Variants in APC observed in about 807,000 individuals in gnomAD.
APC encodes APC regulator of Wnt signaling pathway, also known as adenomatous polyposis coli protein.
A neutral mutation model predicts 247.0 loss-of-function variants in APC; 72 were observed. That is an observed-to-expected ratio of 0.29 (90% CI 0.24 to 0.35). APC has a LOEUF of 0.35. Ranked by LOEUF, APC falls within the 10% of genes least tolerant of loss-of-function variation. The pLI, the probability that APC is intolerant of heterozygous loss-of-function variation, is 1.00. For synonymous variants in APC, 1,254 were observed against 1,162.5 expected (o/e 1.08, Z -1.60); for missense variants, 3,400 against 3,360.7 (o/e 1.01, Z -0.29).
At chr5:112,731,125 A>T (rs1272144896) in intron 1 of APC, among the ~76,000 whole-genome samples, 1 of 152,158 alleles carries the variant, frequency 6.6e-6, no homozygotes, top group Non-Finnish European at 1.5e-5. Flanking sequence ...TGCCAAAAGT[A>T]TAATTAACCA....
At chr5:112,786,886 C>CTTTTT (rs1171592849) in intron 6 of APC, among the ~76,000 whole-genome samples, 42 of 118,120 alleles carry the variant, frequency 3.6e-4, no homozygotes, top group Non-Finnish European at 5.1e-4. Flanking sequence ...TTTTCTTTTT[C>CTTTTT]TTTTTTTTTT....
rs778236505 is a variant in APC, at chr5:112,841,710, T to TACA, written c.6116_6117insACA (p.Gln2040dup). On this transcript the variant is annotated inframe_insertion, in exon 16 of 16. Transcript: ENST00000257430. This position sits in a 1 kb window ranked among gnomAD's most constrained non-coding sequence, Gnocchi z 4.6. ...AGTATTGACTCTGAAGATGACCTGT[T>TACA]GCAGGAATGTATAAGCTCCGCAATG... 3 of 1,613,882 alleles carry TACA rather than the reference T, an allele frequency of 1.9e-6. No individual in the cohort carries two copies. The African/African-American group carries it at 4.0e-5, about 22-fold the overall frequency.
rs149933644 is a variant in APC at position 112,751,027 on chromosome 5, C to G, written c.-18-3846C>G. 7.2e-5 allele frequency among the ~76,000 whole-genome samples: 11 copies of G among 152,078 alleles called. No individual in the cohort carries two copies. The East Asian group carries it at 1.9e-3, about 27-fold the overall frequency. On this transcript the variant is annotated intron_variant, in intron 1 of 15. Transcript: ENST00000257430. ...ATACTGAATTTATATATATTTACTT[C>G]TGGATTTTAAACATTGTGTTCTCGT...
At chr5:112,789,884 A>T (rs563850201) in intron 6 of APC, among the ~76,000 whole-genome samples, 77 of 150,760 alleles carry the variant, frequency 5.1e-4, no homozygotes, top group African/African-American at 1.7e-3. Context: ...TTTTTTTGAG[A>T]CAGTCTGGCT....
At chr5:112,739,955 T>G (rs992165819) in intron 1 of APC, among the ~76,000 whole-genome samples, 1 of 152,224 alleles carries the variant, frequency 6.6e-6, no homozygotes, top group African/African-American at 2.4e-5. Flanking sequence ...TGTTGTGACT[T>G]TATCCAAGGT....
chr5:112,711,445 G>T (rs1036668890), intron 1 of APC, among the ~76,000 whole-genome samples: 1 of 152,224 alleles, frequency 6.6e-6, no homozygotes, highest in Non-Finnish European at 1.5e-5. Flanking sequence ...GTCTTCTGTA[G>T]TCATAAAACG....
intron 5 of APC, among the ~76,000 whole-genome samples, chr5:112,778,903 A>G (rs1229325688): frequency 2.0e-5 from 3 of 152,204 alleles, no homozygotes; most frequent in African/African-American, 7.2e-5. Flanking sequence ...CTTAGCTTAG[A>G]TTTTTCATTT....
At chr5:112,755,152 C>A in intron 2 of APC, 127 bp downstream of exon 2, 1 of 1,337,344 alleles carries the variant, frequency 7.5e-7, no homozygotes, top group Non-Finnish European at 1.0e-6. Flanking sequence ...TAAACTCTTT[C>A]TTGCAAAAGT....
chr5:112,714,229 C>T (rs1751028344), intron 1 of APC, among the ~76,000 whole-genome samples: 1 of 152,152 alleles, frequency 6.6e-6, no homozygotes, highest in South Asian at 2.1e-4. Flanking sequence ...CTGCGAGGTA[C>T]TACTCATAAT....
intron 7 of APC, among the ~76,000 whole-genome samples, chr5:112,800,338 T>G (rs1296031260): frequency 6.6e-6 from 1 of 152,202 alleles, no homozygotes; most frequent in East Asian, 1.9e-4. Flanking sequence ...TGGTACTAAT[T>G]ATTCTTATAT....
At chr5:112,808,174 AAAAT>A (rs2149735715) in intron 8 of APC, among the ~76,000 whole-genome samples, 1 of 152,274 alleles carries the variant, frequency 6.6e-6, no homozygotes, top group African/African-American at 2.4e-5. Flanking sequence ...AAAAAATTAA[AAAAT>A]AAATAACTGC....
rs137854574 is a variant in APC, at chr5:112,828,919, C to T, written c.1690C>T (p.Arg564Ter). 1 of 1,613,730 alleles carries T rather than the reference C, an allele frequency of 6.2e-7. No homozygotes were observed. Among genetic ancestry groups the T allele is most frequent in the Non-Finnish European group, 8.5e-7 (1 of 1,179,808 alleles). The change falls in exon 14 of 16, where the codon CGA becomes TGA. Residue 564 changes from arginine to a stop codon, truncating the protein, a stop_gained. Transcript: ENST00000257430. LOFTEE classifies it high-confidence loss of function. Reference sequence around the variant, plus strand: ...AGATGTAAATAGTAAAAAGACGTTGCGAGAAGTTGGAAGTGTGAAAGCATT... The same window carrying T: ...AGATGTAAATAGTAAAAAGACGTTGTGAGAAGTTGGAAGTGTGAAAGCATT... ...RADVNSKKTL[R>*]EVGSVKALME...
In APC at chr5:112,766,348, G is replaced by A. The variant is rs772787939; in HGVS notation, c.158G>A (p.Gly53Glu). 6.2e-7 allele frequency: 1 copy of A among 1,609,370 alleles called. No individual in the cohort carries two copies. The highest frequency in any genetic ancestry group is 8.5e-7 in the Non-Finnish European group (1 of 1,175,918). ...NMKEVLKQLQ[G>E]SIEDEAMASS... is the part of the protein sequence containing the mutation. ...CAGGAAGTACTTAAACAACTACAAG[G>A]AAGTATTGAAGATGAAGCTATGGCT... Residue 53 changes from glycine (G) to glutamate (E), a missense_variant, in exon 3 of 16, where the codon GGA (glycine) becomes GAA (glutamate). Around this residue, in one of 9 missense-constraint regions of APC, gnomAD observed 372 missense variants for 367.6 expected, o/e 1.01. Coordinates refer to ENST00000257430, the MANE Select transcript of APC (RefSeq NM_000038.6).
rs1162723112 is a variant in APC, at chr5:112,842,075, A to C, written c.6481A>C (p.Ser2161Arg). Residue 2161 changes from serine (S) to arginine (R), a missense_variant, in exon 16 of 16, where the codon AGT becomes CGT. Around this residue, in one of 9 missense-constraint regions of APC, gnomAD observed 1,788 missense variants for 1,649.5 expected, o/e 1.08. Transcript: ENST00000257430. The part of the protein sequence containing the change: ...TPDQEEKPFT[S>R]NKGPRILKPG... ...TGATCAAGAAGAAAAACCCTTTACAAGTAATAAAGGCCCACGAATTCTAAA... is the reference window on the plus strand; with the variant it reads ...TGATCAAGAAGAAAAACCCTTTACACGTAATAAAGGCCCACGAATTCTAAA... 1.9e-6 allele frequency: 3 copies of C among 1,611,998 alleles called. No homozygotes were observed. In the Admixed American group the frequency reaches 5.0e-5, roughly 27 times the overall value.
At chr5:112,812,828 T>C (rs1762124166) in intron 8 of APC, among the ~76,000 whole-genome samples, 1 of 152,216 alleles carries the variant, frequency 6.6e-6, no homozygotes, top group African/African-American at 2.4e-5. Flanking sequence ...TCAGGCAATA[T>C]TTGTTGCTTG....
chr5:112,751,474 A>G (rs1754358208), intron 1 of APC, among the ~76,000 whole-genome samples: 1 of 152,096 alleles, frequency 6.6e-6, no homozygotes, highest in Non-Finnish European at 1.5e-5. Context: ...ATACCAGAAT[A>G]AGAAACGTCT....
At chr5:112,798,475 A>G (rs1291287008) in intron 7 of APC, among the ~76,000 whole-genome samples, 2 of 152,244 alleles carry the variant, frequency 1.3e-5, no homozygotes, top group African/African-American at 4.8e-5. Context: ...CTAAAACTGG[A>G]TTACAGCTGT....
rs1765653000 is a variant in APC, at chr5:112,839,921, C to T, written c.4327C>T (p.Pro1443Ser). 6.2e-7 allele frequency: 1 copy of T among 1,614,068 alleles called. No homozygotes were observed. The highest frequency in any genetic ancestry group is 8.5e-7 in the Non-Finnish European group (1 of 1,180,002). The change falls in exon 16 of 16, where the codon CCT becomes TCT. Residue 1443 changes from proline to serine, a missense_variant. Pro to Ser is a moderately conservative substitution (Grantham distance 74). Coordinates refer to ENST00000257430, the MANE Select transcript of APC (RefSeq NM_000038.6). This position sits in a 1 kb window ranked among gnomAD's most constrained non-coding sequence, Gnocchi z 5.0. ...PSRSKTPPPP[P>S]QTAQTKREVP... is the part of the protein sequence containing the mutation. ...CAGAAGTAAAACACCTCCACCACCT[C>T]CTCAAACAGCTCAAACCAAGCGAGA...
intron 1 of APC, among the ~76,000 whole-genome samples, chr5:112,729,375 C>CCAGTG (rs753474699): frequency 3.9e-4 from 59 of 152,100 alleles, no homozygotes; most frequent in Non-Finnish European, 3.8e-4. Context: ...GAGGATAGCA[C>CCAGTG]CAGTGCGTTG....
Sources: allele counts gnomAD v4.1 joint callset (sites outside exome capture counted in the v4.1 genomes callset), GRCh38; gene constraint gnomAD v4.1.1; regional missense constraint gnomAD v4.1.1; non-coding constraint Gnocchi (gnomAD v3.1); transcripts MANE v1.5; gene names NCBI Gene and HGNC (gene_info 2026-07-23, HGNC 2026-07-21).